Variants in NEBL observed in about 807,000 individuals in gnomAD.
NEBL encodes the protein nebulette, also known as LIM and SH3 protein 2.
Under a neutral mutation model 140.2 loss-of-function variants are expected in NEBL, and 122 were observed. That is an observed-to-expected ratio of 0.87 (90% confidence interval 0.75 to 1.01). The LOEUF is 1.01. NEBL is among the 50% of genes least tolerant of loss of function. NEBL has a pLI of 0.00. For missense variants in NEBL, 1,365 were observed against 1,231.3 expected (o/e 1.11, Z -1.62); for synonymous variants, 436 against 398.9 (o/e 1.09, Z -1.11).
intron 2 of NEBL, among the ~76,000 whole-genome samples, chr10:21,084,455 T>A (rs1317748516): frequency 6.6e-6 from 1 of 151,954 alleles, no homozygotes; most frequent in African/African-American, 2.4e-5. Flanking sequence ...AAACTAAGTC[T>A]CAGCCTGTAA....
intron 3 of NEBL, among the ~76,000 whole-genome samples, chr10:21,219,765 T>C (rs1010295823): frequency 7.9e-5 from 12 of 152,278 alleles, no homozygotes; most frequent in Admixed American, 3.3e-4. Context: ...ACTACCTTTA[T>C]CAATATTTTA....
chr10:20,839,851 C>T (rs1358670927), intron 13 of NEBL, among the ~76,000 whole-genome samples: 4 of 151,982 alleles, frequency 2.6e-5, no homozygotes, highest in Admixed American at 1.3e-4. Flanking sequence ...GGATTACTGG[C>T]CATAGATATG....
intron 4 of NEBL, among the ~76,000 whole-genome samples, chr10:20,934,617 G>C (rs1834378811): frequency 6.6e-6 from 1 of 152,096 alleles, no homozygotes; most frequent in African/African-American, 2.4e-5. Flanking sequence ...GAATGCCATG[G>C]CCCCACTGGA....
At chr10:20,982,079 A>G (rs1234536001) in intron 3 of NEBL, among the ~76,000 whole-genome samples, 1 of 152,236 alleles carries the variant, frequency 6.6e-6, no homozygotes, top group Non-Finnish European at 1.5e-5. Context: ...TTGCCAGGCT[A>G]AGACTTAACA....
intron 1 of NEBL, among the ~76,000 whole-genome samples, chr10:21,253,174 G>A (rs369396887): frequency 6.6e-6 from 1 of 152,178 alleles, no homozygotes. Context: ...AGGCAAGAGA[G>A]GTGAGAGAAT....
chr10:21,014,118 T>A lies in NEBL; in HGVS notation c.249+5999A>T, dbSNP rs563332347. ...GTTGCAGTTGTAATTTTTCCTATTT[T>A]TTATTATTATTAATATTATTTTAGA... On this transcript the variant is annotated intron_variant, in intron 3 of 6. Coordinates refer to the NEBL transcript ENST00000417816. 2.6e-4 allele frequency among the ~76,000 whole-genome samples: 40 copies of A among 152,170 alleles called. 1 individual carries two copies. Among genetic ancestry groups the A allele is most frequent in the Middle Eastern group, 6.8e-3 (2 of 294 alleles).
chr10:20,935,410 C>T (rs762464620), intron 4 of NEBL, among the ~76,000 whole-genome samples: 4 of 152,190 alleles, frequency 2.6e-5, no homozygotes, highest in Non-Finnish European at 5.9e-5. Flanking sequence ...ATCTCTTCAT[C>T]GAATTCACTA....
At chr10:20,932,232 T>C (rs1180162643) in intron 4 of NEBL, among the ~76,000 whole-genome samples, 2 of 152,206 alleles carry the variant, frequency 1.3e-5, no homozygotes, top group East Asian at 3.8e-4. Context: ...TGGAATACTA[T>C]GCAGCCTTAA....
intron 26 of NEBL, among the ~76,000 whole-genome samples, chr10:20,792,927 T>C (rs1216496667): frequency 2.0e-5 from 3 of 151,766 alleles, no homozygotes; most frequent in Non-Finnish European, 4.4e-5. Context: ...TCACTGAGAG[T>C]TTCATGTCAA....
chr10:21,142,137 T>C (rs1214202559), intron 2 of NEBL, among the ~76,000 whole-genome samples: 10 of 152,170 alleles, frequency 6.6e-5, no homozygotes, highest in African/African-American at 2.4e-4. Context: ...CTTGGTAATA[T>C]AACCCACTAT....
intron 2 of NEBL, among the ~76,000 whole-genome samples, chr10:21,124,168 A>G (rs1373674796): frequency 6.6e-6 from 1 of 152,160 alleles, no homozygotes; most frequent in Non-Finnish European, 1.5e-5. Flanking sequence ...TCATAACCCA[A>G]TCCTTCAGGG....
chr10:20,827,751 A>G (rs1031578342), intron 17 of NEBL, among the ~76,000 whole-genome samples: 2 of 152,204 alleles, frequency 1.3e-5, no homozygotes, highest in Non-Finnish European at 2.9e-5. Context: ...CATAAAAAAG[A>G]ATGAGATCAT....
intron 3 of NEBL, among the ~76,000 whole-genome samples, chr10:20,964,122 A>T (rs1275088661): frequency 6.6e-6 from 1 of 152,188 alleles, no homozygotes; most frequent in Non-Finnish European, 1.5e-5. Flanking sequence ...GGGAAATAGC[A>T]GGATGTCTCT....
intron 9 of NEBL, among the ~76,000 whole-genome samples, chr10:20,856,494 T>C (rs1347973250): frequency 6.6e-6 from 1 of 152,140 alleles, no homozygotes; most frequent in Non-Finnish European, 1.5e-5. Context: ...GCCACTGCCA[T>C]GATGAAAACT....
rs903382761 is a variant in NEBL at position 21,017,887 on chromosome 10, G to A, written c.249+2230C>T. Reference sequence around the variant, plus strand: ...TGCCCAGGCTAGAGTACAGTGGCACGATCTCGGCTCACTGCAACCTCCACC... The same window carrying A: ...TGCCCAGGCTAGAGTACAGTGGCACAATCTCGGCTCACTGCAACCTCCACC... On this transcript the variant is annotated intron_variant, in intron 3 of 6. Transcript: ENST00000417816. 6.7e-5 allele frequency among the ~76,000 whole-genome samples: 10 copies of A among 150,278 alleles called. No individual in the cohort carries two copies. The East Asian group carries it at 1.2e-3, about 18-fold the overall frequency.
chr10:21,168,300 A>C (rs1428414338), intron 2 of NEBL, among the ~76,000 whole-genome samples: 1 of 152,206 alleles, frequency 6.6e-6, no homozygotes. Context: ...CATGGTTTCC[A>C]ATTCTTAAGC....
chr10:21,250,562 T>G (rs1842574894), intron 2 of NEBL, among the ~76,000 whole-genome samples: 1 of 152,172 alleles, frequency 6.6e-6, no homozygotes, highest in African/African-American at 2.4e-5. Context: ...AATTTATGTT[T>G]CCTCTATAAA....
At position 20,888,077 on chromosome 10, in the gene NEBL, A is replaced by G. The variant is rs747313584; in HGVS notation, c.369+20T>C. ...TATGTTTTATCTACAAAATCATGAAACACTTTAGAAAAACCCTACCTCACT... is the reference window on the plus strand; with the variant it reads ...TATGTTTTATCTACAAAATCATGAAGCACTTTAGAAAAACCCTACCTCACT... On this transcript the variant is annotated intron_variant, in intron 4 of 27. Coordinates refer to ENST00000377122, the MANE Select transcript of NEBL (RefSeq NM_006393.3). 2.0e-6 allele frequency: 3 copies of G among 1,500,712 alleles called. No homozygotes were observed. The highest frequency in any genetic ancestry group is 1.4e-5 in the African/African-American group (1 of 72,640). 93.0% of individuals were successfully genotyped at this position (1,500,712 alleles called of 1,614,324 possible).
intron 2 of NEBL, among the ~76,000 whole-genome samples, chr10:21,070,555 G>A (rs1344691964): frequency 2.0e-5 from 3 of 151,814 alleles, no homozygotes; most frequent in Non-Finnish European, 2.9e-5. Context: ...CCTTAGCTTC[G>A]TGAGTCTCCA....
Sources: gnomAD v4.1 joint callset for allele counts (sites outside exome capture counted in the v4.1 genomes callset) on GRCh38, gnomAD v4.1.1 for gene constraint, MANE v1.5 for transcripts, NCBI Gene and HGNC (gene_info 2026-07-23, HGNC 2026-07-21) for gene names.